FGF12: variants seen among roughly 807,000 people sequenced by gnomAD.
The protein encoded by FGF12 is fibroblast growth factor 12B.
Under a neutral mutation model 23.6 loss-of-function variants are expected in FGF12, and 14 were observed. The ratio of observed to expected loss-of-function variants is 0.59; its 90% CI spans 0.39 to 0.93. The LOEUF (loss-of-function observed/expected upper bound fraction) is 0.93, where lower values mean the gene tolerates loss of function less well. Among genes scored for constraint, FGF12 ranks in the 40% least tolerant of loss-of-function variants. The pLI is 0.00. For missense variants in FGF12, 175 were observed against 217.8 expected (o/e 0.80, Z 1.24); for synonymous variants, 62 against 77.3 (o/e 0.80, Z 1.04).
chr3:192,612,902 A>C (rs559940729), intron 2 of FGF12, among the ~76,000 whole-genome samples: 2 of 152,004 alleles, frequency 1.3e-5, no homozygotes, highest in South Asian at 4.1e-4. Flanking sequence ...AATTGGCATA[A>C]CTCTTCTGAG....
chr3:192,209,750 C>T (rs952663445), intron 4 of FGF12, among the ~76,000 whole-genome samples: 1 of 152,338 alleles, frequency 6.6e-6, no homozygotes, highest in African/African-American at 2.4e-5. Flanking sequence ...AGCAGAAGGA[C>T]TTCCATTTCC....
intron 2 of FGF12, among the ~76,000 whole-genome samples, chr3:192,543,553 C>T (rs569931445): frequency 2.4e-4 from 37 of 152,238 alleles, no homozygotes; most frequent in African/African-American, 8.9e-4. Flanking sequence ...CTTTACTCTT[C>T]CCTCCCCTTT....
chr3:192,194,981 G>T (rs1007052584), intron 4 of FGF12, among the ~76,000 whole-genome samples: 4 of 152,140 alleles, frequency 2.6e-5, no homozygotes, highest in Non-Finnish European at 4.4e-5. Context: ...GACTGACTTT[G>T]TCCTCAAGTG....
chr3:192,222,428 A>C (rs541624424), intron 4 of FGF12, among the ~76,000 whole-genome samples: 1 of 152,266 alleles, frequency 6.6e-6, no homozygotes, highest in South Asian at 2.1e-4. Flanking sequence ...GAACATGATT[A>C]TTGGATTCCA....
At chr3:192,203,131 A>ATT (rs1394905997) in intron 4 of FGF12, among the ~76,000 whole-genome samples, 1 of 142,326 alleles carries the variant, frequency 7.0e-6, no homozygotes, top group Non-Finnish European at 1.5e-5. Flanking sequence ...AGCATTAAAT[A>ATT]TTTGTGTGTG....
chr3:192,163,885 G>C (rs2108608353), intron 5 of FGF12, among the ~76,000 whole-genome samples: 1 of 149,778 alleles, frequency 6.7e-6, no homozygotes, highest in African/African-American at 2.4e-5. Flanking sequence ...CAAATAAATT[G>C]GGAGAAATAA....
intron 4 of FGF12, among the ~76,000 whole-genome samples, chr3:192,179,423 G>A (rs1716042061): frequency 6.6e-6 from 1 of 152,130 alleles, no homozygotes; most frequent in African/African-American, 2.4e-5. Context: ...AATGTTGGAG[G>A]TAGATGGACA....
At chr3:192,273,250 A>C (rs1241692454) in intron 4 of FGF12, among the ~76,000 whole-genome samples, 1 of 152,234 alleles carries the variant, frequency 6.6e-6, no homozygotes, top group Admixed American at 6.5e-5. Flanking sequence ...GTATTTATAC[A>C]TATGAATGAG....
At chr3:192,343,755 T>C (rs755926113) in intron 3 of FGF12, among the ~76,000 whole-genome samples, 1 of 152,162 alleles carries the variant, frequency 6.6e-6, no homozygotes, top group Admixed American at 6.5e-5. Context: ...ACAGTGCTTA[T>C]TAATATTTAT....
At chr3:192,480,983 T>A (rs183640221) in intron 2 of FGF12, among the ~76,000 whole-genome samples, 14 of 152,324 alleles carry the variant, frequency 9.2e-5, no homozygotes, top group South Asian at 2.1e-4. Flanking sequence ...TGGTCAGACA[T>A]AACATGAAGG....
At chr3:192,185,861 A>C (rs1716434227) in intron 4 of FGF12, among the ~76,000 whole-genome samples, 1 of 152,112 alleles carries the variant, frequency 6.6e-6, no homozygotes, top group African/African-American at 2.4e-5. Flanking sequence ...TCCGTCTAAA[A>C]AAAAAAAAAA....
intron 4 of FGF12, among the ~76,000 whole-genome samples, chr3:192,334,750 T>G (rs549261506): frequency 6.6e-6 from 1 of 152,252 alleles, no homozygotes; most frequent in South Asian, 2.1e-4. Context: ...ATTAAGCCAA[T>G]GAAGGTAGAT....
At chr3:192,158,659 TCCTTCCCTC>T (rs1714684619) in intron 5 of FGF12, among the ~76,000 whole-genome samples, 1 of 42,586 alleles carries the variant, frequency 2.3e-5, no homozygotes, top group African/African-American at 6.1e-5. Context: ...CTCCCTCCCT[TCCTTCCCTC>T]CCTCCCTCTC....
chr3:192,242,061 C>A (rs1462681422), intron 4 of FGF12, among the ~76,000 whole-genome samples: 1 of 151,636 alleles, frequency 6.6e-6, no homozygotes, highest in Non-Finnish European at 1.5e-5. Context: ...TGTAAGGGAA[C>A]AAGTAAAAAG....
At chr3:192,184,712 G>A (rs1305268487) in intron 4 of FGF12, among the ~76,000 whole-genome samples, 1 of 152,156 alleles carries the variant, frequency 6.6e-6, no homozygotes, top group Non-Finnish European at 1.5e-5. Flanking sequence ...ATTTTCTCTA[G>A]CAAACTGAAA....
rs1253853479 is a variant in FGF12 at position 192,142,927 on chromosome 3, G to C, written c.*1082C>G. 1 of 152,060 alleles carries C rather than the reference G, an allele frequency of 6.6e-6. No individual in the cohort carries two copies. Among genetic ancestry groups the C allele is most frequent in the East Asian group, 1.9e-4 (1 of 5,182 alleles). 9.4% of individuals were successfully genotyped at this position (152,060 alleles called of 1,614,324 possible). A position where few individuals can be genotyped will look rare whatever the true frequency, so the allele number is the denominator to read the frequency against. ...AGAGTTTAAAAAACAATATAAGACT[G>C]TGGTAAGGTACAAACGCAAATGCAA... On this transcript the variant is annotated 3_prime_UTR_variant, in exon 6 of 6. Coordinates refer to ENST00000445105, the MANE Select transcript of FGF12 (RefSeq NM_004113.6).
chr3:192,233,875 G>A (rs1194176421), intron 4 of FGF12, among the ~76,000 whole-genome samples: 3 of 151,900 alleles, frequency 2.0e-5, no homozygotes, highest in Non-Finnish European at 2.9e-5. Flanking sequence ...CTTTATTTCC[G>A]GGTTATCTAA....
chr3:192,429,591 C>G (rs1721798638), intron 2 of FGF12, among the ~76,000 whole-genome samples: 1 of 151,990 alleles, frequency 6.6e-6, no homozygotes, highest in Non-Finnish European at 1.5e-5. Flanking sequence ...CCCAAAAGGC[C>G]AAGTGTACTT....
At chr3:192,457,658 G>A (rs367755231) in intron 2 of FGF12, among the ~76,000 whole-genome samples, 12 of 152,160 alleles carry the variant, frequency 7.9e-5, no homozygotes, top group African/African-American at 1.4e-4. Context: ...AAAGCATTTC[G>A]TTTTAAAAGG....
Sources: allele counts gnomAD v4.1 joint callset (sites outside exome capture counted in the v4.1 genomes callset), GRCh38; gene constraint gnomAD v4.1.1; transcripts MANE v1.5; gene names NCBI Gene and HGNC (gene_info 2026-07-23, HGNC 2026-07-21).